The following C4orf50 variants were observed in gnomAD, a reference collection of about 807,000 sequenced individuals.
The protein encoded by C4orf50 is uncharacterized protein C4orf50.
A neutral mutation model predicts 77.2 loss-of-function variants in C4orf50; 80 were observed. That is an observed-to-expected ratio of 1.04 (90% confidence interval 0.87 to 1.25). The LOEUF (loss-of-function observed/expected upper bound fraction) is 1.25, where lower values mean the gene tolerates loss of function less well. Among genes scored for constraint, C4orf50 ranks in the 50% most tolerant of loss-of-function variants. The probability of loss-of-function intolerance (pLI) is 0.00; values close to 1 mark genes in which losing one functional copy is unlikely to be tolerated. For missense variants in C4orf50, 1,257 were observed against 1,152.9 expected (o/e 1.09, Z -1.31); for synonymous variants, 532 against 465.3 (o/e 1.14, Z -1.84).
chr4:6,001,388 G>A (rs2108801054), intron 25 of C4orf50, among the ~76,000 whole-genome samples: 1 of 152,330 alleles, frequency 6.6e-6, no homozygotes, highest in Middle Eastern at 3.4e-3. Context: ...AGGAGTTCGT[G>A]TTCCATGATA....
chr4:5,996,941 G>A (rs1339770546), intron 25 of C4orf50, among the ~76,000 whole-genome samples: 1 of 152,146 alleles, frequency 6.6e-6, no homozygotes, highest in Non-Finnish European at 1.5e-5. Context: ...TGCACACTTT[G>A]TCAGCTGCTT....
Position 5,898,714 on chromosome 4 carries a change from A to T in C4orf50, c.*2475-526T>A, listed in dbSNP as rs577696641. Reference sequence around the variant, plus strand: ...AAAAAGAAAATACTGACTCAAAGTTAGTATCAAGTTTTCAGCCATTTTTAA... The same window carrying T: ...AAAAAGAAAATACTGACTCAAAGTTTGTATCAAGTTTTCAGCCATTTTTAA... On this transcript the variant is annotated intron_variant, in intron 7 of 7. Transcript: ENST00000324058. The T allele has an allele frequency of 4.6e-4, 70 of 152,346 alleles. 1 individual carries two copies. The highest frequency in any genetic ancestry group is 1.5e-3 in the African/African-American group (64 of 41,578). 9.4% of individuals were successfully genotyped at this position (152,346 alleles called of 1,614,324 possible).
intron 7 of C4orf50, among the ~76,000 whole-genome samples, chr4:5,922,869 C>A (rs562393119): frequency 6.6e-6 from 1 of 152,364 alleles, no homozygotes; most frequent in Admixed American, 6.5e-5. Flanking sequence ...CTCCTCCCAA[C>A]CCTGTCCCAT....
At chr4:5,930,043 T>A (rs1424454875) in intron 7 of C4orf50, among the ~76,000 whole-genome samples, 2 of 152,210 alleles carry the variant, frequency 1.3e-5, no homozygotes, top group African/African-American at 4.8e-5. Flanking sequence ...CAGGTGATAC[T>A]TCTAGGCATG....
At chr4:5,920,226 G>T (rs2108737057) in intron 7 of C4orf50, among the ~76,000 whole-genome samples, 1 of 152,280 alleles carries the variant, frequency 6.6e-6, no homozygotes, top group East Asian at 1.9e-4. Context: ...GCAATTGGGA[G>T]CTCAGGCTCT....
At chr4:5,966,468 C>T (rs1367761293) in intron 32 of C4orf50, among the ~76,000 whole-genome samples, 1 of 151,214 alleles carries the variant, frequency 6.6e-6, no homozygotes, top group African/African-American at 2.4e-5. Flanking sequence ...GAGGGAGACT[C>T]CCTCTCAAAA....
At chr4:6,003,085 T>A (rs1240306701) in intron 25 of C4orf50, among the ~76,000 whole-genome samples, 3 of 152,124 alleles carry the variant, frequency 2.0e-5, no homozygotes, top group African/African-American at 2.4e-5. Context: ...GGCTCTCAGC[T>A]CCTTGGCCCA....
chr4:5,911,160 C>T lies in C4orf50; in HGVS notation c.*2475-12972G>A, dbSNP rs188086872. ...TCCTGACCTCATGATCCACCTGCCTCGGCCTCCCAAAGTGCTGGGATTACA... is the reference window on the plus strand; with the variant it reads ...TCCTGACCTCATGATCCACCTGCCTTGGCCTCCCAAAGTGCTGGGATTACA... On this transcript the variant is annotated intron_variant, in intron 7 of 7. Coordinates refer to the C4orf50 transcript ENST00000324058. Among the ~76,000 whole-genome samples, 824 of 152,262 alleles carry T rather than the reference C, an allele frequency of 5.4e-3. 9 individuals carry two copies. Among genetic ancestry groups the T allele is most frequent in the African/African-American group, 0.018 (742 of 41,564 alleles).
intron 7 of C4orf50, among the ~76,000 whole-genome samples, chr4:5,928,379 T>TACACACACACACACATAC (rs1717616083): frequency 1.0e-5 from 1 of 95,848 alleles, no homozygotes; most frequent in Non-Finnish European, 2.7e-5. Flanking sequence ...CACACACACA[T>TACACACACACACACATAC]ACACACACAC....
At chr4:5,959,576 C>A in exon 34 of C4orf50, 1 of 1,614,040 alleles carries the variant, frequency 6.2e-7, no homozygotes, top group Non-Finnish European at 8.5e-7. Flanking sequence ...CCACAGTGAC[C>A]GCTGCCAGGC....
chr4:5,921,637 G>A (rs1433901842), intron 7 of C4orf50, among the ~76,000 whole-genome samples: 3 of 152,138 alleles, frequency 2.0e-5, no homozygotes, highest in Admixed American at 6.5e-5. Flanking sequence ...GAGCCACCGG[G>A]TGGGTAAGTT....
At chr4:5,959,570 A>T (rs757157802) in exon 34 of C4orf50, 15 of 1,614,050 alleles carry the variant, frequency 9.3e-6, no homozygotes, top group Non-Finnish European at 1.3e-5. Context: ...CTGGTTCCAC[A>T]GTGACCGCTG....
intron 25 of C4orf50, among the ~76,000 whole-genome samples, chr4:5,994,733 A>G (rs1457880493): frequency 1.3e-5 from 2 of 152,180 alleles, no homozygotes; most frequent in African/African-American, 4.8e-5. Context: ...TTCAGTCCTC[A>G]GAGGAGTATG....
chr4:5,920,214 T>C (rs538249288), intron 7 of C4orf50, among the ~76,000 whole-genome samples: 1 of 152,284 alleles, frequency 6.6e-6, no homozygotes, highest in South Asian at 2.1e-4. Context: ...GTTTCTTGCA[T>C]AGCAATTGGG....
At chr4:5,990,280 A>T (rs66721522) in exon 28 of C4orf50, 241,693 of 1,189,914 alleles carry the variant, frequency 0.2, 26,439 homozygotes, top group African/African-American at 0.38. Context: ...CTCCAAGCTC[A>T]GGTTCTGATG....
chr4:5,968,328 C>T (rs968742170), intron 31 of C4orf50, among the ~76,000 whole-genome samples: 1 of 152,214 alleles, frequency 6.6e-6, no homozygotes, highest in Non-Finnish European at 1.5e-5. Context: ...GCTGCAGTGA[C>T]ACCTGGGGTC....
intron 31 of C4orf50, 60 bp downstream of exon 9, chr4:5,973,599 G>T: frequency 1.4e-6 from 2 of 1,403,458 alleles, no homozygotes; most frequent in Non-Finnish European, 2.0e-6. Context: ...GCAGGGGCAT[G>T]CAAGGGACGC....
At chr4:5,997,908 A>G (rs1721667025) in intron 25 of C4orf50, among the ~76,000 whole-genome samples, 1 of 152,176 alleles carries the variant, frequency 6.6e-6, no homozygotes, top group Non-Finnish European at 1.5e-5. Flanking sequence ...GAGAGGAAAA[A>G]AGGGAGATAG....
chr4:5,976,851 T>C (rs1463225795), intron 29 of C4orf50, among the ~76,000 whole-genome samples: 1 of 152,188 alleles, frequency 6.6e-6, no homozygotes, highest in Non-Finnish European at 1.5e-5. Flanking sequence ...TTGAGACTGC[T>C]CCCCATGGAG....
Sources: allele counts gnomAD v4.1 joint callset (sites outside exome capture counted in the v4.1 genomes callset), GRCh38; gene constraint gnomAD v4.1.1; transcripts MANE v1.5; gene names NCBI Gene and HGNC (gene_info 2026-07-23, HGNC 2026-07-21).